IGFL2: variants seen among roughly 807,000 people sequenced by gnomAD.
IGFL2 encodes the protein insulin growth factor-like family member 2.
In IGFL2, 7 loss-of-function variants were observed where a neutral mutation model predicts 13.9. That is an observed-to-expected ratio of 0.51 (90% CI 0.29 to 0.95). The LOEUF is 0.95. Among genes scored for constraint, IGFL2 ranks in the 40% least tolerant of loss-of-function variants. The probability of loss-of-function intolerance (pLI) is 0.08; values close to 1 mark genes in which losing one functional copy is unlikely to be tolerated. For synonymous variants in IGFL2, 55 were observed against 55.8 expected, an observed-to-expected ratio of 0.99 and a Z score of 0.07; for missense variants, 138 against 147.8, an observed-to-expected ratio of 0.93 and a Z score of 0.34.
chr19:46,124,067 C>T, the IGFL2 span: 1 of 1,611,616 alleles, frequency 6.2e-7, no homozygotes, highest in Non-Finnish European at 8.5e-7. Flanking sequence ...ATGGCATCAT[C>T]ATAACAGCAC....
chr19:46,090,678 T>C, the IGFL2 span, among the ~76,000 whole-genome samples: 1 of 152,220 alleles, frequency 6.6e-6, no homozygotes, highest in East Asian at 1.9e-4. Flanking sequence ...AGCTGGCATA[T>C]GCCTGAAGCC....
the IGFL2 span, among the ~76,000 whole-genome samples, chr19:46,136,333 A>G: frequency 6.6e-6 from 1 of 152,184 alleles, no homozygotes; most frequent in African/African-American, 2.4e-5. Context: ...AACTAGATTC[A>G]TACTTGTTTG....
the IGFL2 span, among the ~76,000 whole-genome samples, chr19:46,107,254 T>A: frequency 6.6e-6 from 1 of 152,116 alleles, no homozygotes; most frequent in African/African-American, 2.4e-5. Flanking sequence ...CTGTAAGAGT[T>A]ACCTAAAGCT....
chr19:46,083,460 A>T, the IGFL2 span, among the ~76,000 whole-genome samples: 1 of 152,224 alleles, frequency 6.6e-6, no homozygotes, highest in East Asian at 1.9e-4. Flanking sequence ...TATGTATGCA[A>T]ATGTGTAGAA....
the IGFL2 span, among the ~76,000 whole-genome samples, chr19:46,178,851 A>G: frequency 6.6e-6 from 1 of 151,982 alleles, no homozygotes; most frequent in African/African-American, 2.4e-5. Flanking sequence ...CCTAAAATAT[A>G]TAAAACCAAG....
At chr19:46,182,929 C>T in the IGFL2 span, among the ~76,000 whole-genome samples, 1 of 152,130 alleles carries the variant, frequency 6.6e-6, no homozygotes, top group Non-Finnish European at 1.5e-5. Context: ...ACCCCTTTCT[C>T]CCTTTCTCCT....
the IGFL2 span, among the ~76,000 whole-genome samples, chr19:46,083,846 C>G: frequency 5.3e-5 from 8 of 152,120 alleles, no homozygotes; most frequent in Non-Finnish European, 1.0e-4. Flanking sequence ...GGAACAAAGT[C>G]CTCTGATCCT....
the IGFL2 span, among the ~76,000 whole-genome samples, chr19:46,206,274 C>T: frequency 6.6e-6 from 1 of 152,178 alleles, no homozygotes; most frequent in Non-Finnish European, 1.5e-5. Flanking sequence ...GGACCAAGGC[C>T]AAGGAGGGCC....
chr19:46,185,239 C>A, the IGFL2 span, among the ~76,000 whole-genome samples: 1 of 151,916 alleles, frequency 6.6e-6, no homozygotes, highest in Non-Finnish European at 1.5e-5. Flanking sequence ...TTTTTTCTAC[C>A]CCCCTCCCTC....
chr19:46,196,467 A>G, the IGFL2 span, among the ~76,000 whole-genome samples: 4 of 152,008 alleles, frequency 2.6e-5, no homozygotes, highest in East Asian at 1.9e-4. Context: ...CTACTCCCCA[A>G]ACTTATGCCT....
the IGFL2 span, among the ~76,000 whole-genome samples, chr19:46,171,914 T>C: frequency 5.3e-5 from 8 of 152,094 alleles, no homozygotes; most frequent in African/African-American, 1.9e-4. Context: ...GCAAATAATA[T>C]ATTGTTACAC....
At chr19:46,157,598 A>C (rs932329641) in intron 1 of IGFL2, among the ~76,000 whole-genome samples, 14 of 152,188 alleles carry the variant, frequency 9.2e-5, no homozygotes, top group African/African-American at 3.4e-4. Context: ...GATTTTAAAA[A>C]CTCCCAGAAA....
chr19:46,162,934 CT>C (rs1447339916), downstream of IGFL2, among the ~76,000 whole-genome samples: 10 of 152,190 alleles, frequency 6.6e-5, no homozygotes, highest in African/African-American at 2.4e-4. Context: ...GTGAGTGTTT[CT>C]TTAACCACAG....
the IGFL2 span, among the ~76,000 whole-genome samples, chr19:46,101,886 A>AAAG: frequency 6.6e-6 from 1 of 152,222 alleles, no homozygotes; most frequent in Admixed American, 6.5e-5. Flanking sequence ...AGGCTAGGTA[A>AAAG]CATTGAGGTG....
At chr19:46,180,706 T>C in the IGFL2 span, 1 of 152,098 alleles carries the variant, frequency 6.6e-6, no homozygotes, top group African/African-American at 2.4e-5. Flanking sequence ...AATATGACAG[T>C]GAAGCTGACG....
At chr19:46,125,386 G>A in the IGFL2 span, among the ~76,000 whole-genome samples, 2 of 152,322 alleles carry the variant, frequency 1.3e-5, 1 homozygote, top group South Asian at 4.1e-4. Context: ...AAGTGATGTA[G>A]TACTTAGGAG....
the IGFL2 span, among the ~76,000 whole-genome samples, chr19:46,177,407 ATAGT>A: frequency 1.4e-4 from 21 of 152,280 alleles, no homozygotes; most frequent in Admixed American, 1.2e-3. Context: ...CAATATACAG[ATAGT>A]TTACTTAATC....
chr19:46,171,743 C>G, the IGFL2 span, among the ~76,000 whole-genome samples: 125 of 152,290 alleles, frequency 8.2e-4, 2 homozygotes, highest in Middle Eastern at 0.017. Context: ...TGATAACTCC[C>G]TTCTTGAACT....
the IGFL2 span, among the ~76,000 whole-genome samples, chr19:46,115,211 C>T: frequency 1.3e-5 from 2 of 152,156 alleles, no homozygotes; most frequent in Non-Finnish European, 2.9e-5. Context: ...CCTACAGGAG[C>T]AGGCTAAATC....
Sources: allele counts gnomAD v4.1 joint callset (sites outside exome capture counted in the v4.1 genomes callset), GRCh38; gene constraint gnomAD v4.1.1; transcripts MANE v1.5; gene names NCBI Gene and HGNC (gene_info 2026-07-23, HGNC 2026-07-21).